FSTL4: variants seen among roughly 807,000 people sequenced by gnomAD.
The protein encoded by FSTL4 is follistatin-related protein 4.
A neutral mutation model predicts 78.2 loss-of-function variants in FSTL4; 28 were observed. That is an observed-to-expected ratio of 0.36 (90% CI 0.27 to 0.49). FSTL4 has a LOEUF of 0.49. FSTL4 is among the 20% of genes least tolerant of loss of function. The pLI, the probability that FSTL4 is intolerant of heterozygous loss-of-function variation, is 0.98. For missense variants in FSTL4, 922 were observed against 1,084.9 expected (o/e 0.85, Z 2.11); for synonymous variants, 422 against 440.5 (o/e 0.96, Z 0.53).
the FSTL4 span, among the ~76,000 whole-genome samples, chr5:133,674,074 C>A: frequency 1.3e-5 from 2 of 152,168 alleles, no homozygotes; most frequent in Non-Finnish European, 2.9e-5. Flanking sequence ...GAGGCCCCCA[C>A]CATAGCAAAG....
At chr5:133,259,576 G>A (rs889266615) in intron 6 of FSTL4, among the ~76,000 whole-genome samples, 1 of 148,266 alleles carries the variant, frequency 6.7e-6, no homozygotes, top group South Asian at 2.1e-4. Flanking sequence ...TGGAGTGCGC[G>A]GCACGATCTT....
intron 1 of FSTL4, among the ~76,000 whole-genome samples, chr5:133,606,270 G>A (rs1443210490): frequency 2.6e-5 from 4 of 152,032 alleles, no homozygotes; most frequent in Non-Finnish European, 4.4e-5. Flanking sequence ...ACAGGCATGC[G>A]CCACCATGCC....
intron 4 of FSTL4, among the ~76,000 whole-genome samples, chr5:133,320,102 A>G (rs1187862231): frequency 6.6e-6 from 1 of 152,032 alleles, no homozygotes; most frequent in East Asian, 1.9e-4. Flanking sequence ...TTGTCATCCG[A>G]ATTCCACAGG....
intron 4 of FSTL4, among the ~76,000 whole-genome samples, chr5:133,396,117 CT>C (rs1486039422): frequency 6.6e-6 from 1 of 152,194 alleles, no homozygotes; most frequent in African/African-American, 2.4e-5. Context: ...CCCACCACCC[CT>C]GACCTCTTAG....
intron 3 of FSTL4, among the ~76,000 whole-genome samples, chr5:133,419,545 T>C (rs1756649651): frequency 6.6e-6 from 1 of 152,286 alleles, no homozygotes; most frequent in South Asian, 2.1e-4. Flanking sequence ...AAGGCTGCTA[T>C]GAACATCTAT....
At chr5:133,360,436 C>G (rs2126934005) in intron 4 of FSTL4, among the ~76,000 whole-genome samples, 1 of 151,200 alleles carries the variant, frequency 6.6e-6, no homozygotes, top group Admixed American at 6.6e-5. Context: ...ACATAAACAT[C>G]ACTATAGTGT....
intron 3 of FSTL4, among the ~76,000 whole-genome samples, chr5:133,404,769 A>G (rs1163017110): frequency 1.3e-5 from 2 of 152,174 alleles, no homozygotes; most frequent in Non-Finnish European, 2.9e-5. Context: ...TGGGCCCCAG[A>G]GAGAGTGAGT....
intron 4 of FSTL4, among the ~76,000 whole-genome samples, chr5:133,389,625 A>C (rs1320408874): frequency 6.6e-6 from 1 of 152,104 alleles, no homozygotes; most frequent in East Asian, 1.9e-4. Flanking sequence ...TTTCCTGTCC[A>C]TCACCCACCT....
chr5:133,804,302 A>T, the FSTL4 span, among the ~76,000 whole-genome samples: 1 of 152,238 alleles, frequency 6.6e-6, no homozygotes, highest in Non-Finnish European at 1.5e-5. Flanking sequence ...GCCTGGCCAC[A>T]TTGTCCTCAG....
the FSTL4 span, among the ~76,000 whole-genome samples, chr5:133,653,474 C>T: frequency 6.6e-6 from 1 of 152,172 alleles, no homozygotes; most frequent in African/African-American, 2.4e-5. Flanking sequence ...TGCATCCCTC[C>T]CTGCTCCAAC....
the FSTL4 span, among the ~76,000 whole-genome samples, chr5:133,798,978 GAGGGAGGGAGGA>G: frequency 3.0e-5 from 4 of 132,412 alleles, no homozygotes; most frequent in Admixed American, 7.6e-5. Context: ...GGAAGGGAGG[GAGGGAGGGAGGA>G]AGGGAGGGAG....
the FSTL4 span, among the ~76,000 whole-genome samples, chr5:133,625,698 T>A: frequency 8.4e-6 from 1 of 118,530 alleles, no homozygotes; most frequent in African/African-American, 3.3e-5. Flanking sequence ...TCTTGAGGTG[T>A]GAGCTAAGAT....
chr5:133,582,064 G>T (rs1411142931), intron 2 of FSTL4, among the ~76,000 whole-genome samples: 1 of 152,228 alleles, frequency 6.6e-6, no homozygotes, highest in Non-Finnish European at 1.5e-5. Context: ...AAACAGTGGT[G>T]CCAGTTTCTC....
intron 3 of FSTL4, among the ~76,000 whole-genome samples, chr5:133,470,746 A>AAAAAT (rs61460224): frequency 0.064 from 8,164 of 126,858 alleles, 505 homozygotes; most frequent in African/African-American, 0.16. Context: ...ACTCTGCCTC[A>AAAAAT]AAAATAAAAT....
chr5:133,249,690 A>G lies in FSTL4; in HGVS notation c.728-114T>C, dbSNP rs1752158326. 1.5e-5 allele frequency: 11 copies of G among 723,942 alleles called. No homozygotes were observed. In the South Asian group the frequency reaches 2.0e-4, roughly 13 times the overall value. 44.8% of individuals were successfully genotyped at this position (723,942 alleles called of 1,614,324 possible). On this transcript the variant is annotated intron_variant, in intron 6 of 15. Coordinates refer to ENST00000265342, the MANE Select transcript of FSTL4 (RefSeq NM_015082.2). ...GGAAGAGGCCCAGAAGGGCTTCACGACTCCCTGAAAATTGTTTACAATGTG... is the reference window on the plus strand; with the variant it reads ...GGAAGAGGCCCAGAAGGGCTTCACGGCTCCCTGAAAATTGTTTACAATGTG...
chr5:133,259,386 T>C (rs370222734), intron 6 of FSTL4, among the ~76,000 whole-genome samples: 48 of 152,104 alleles, frequency 3.2e-4, no homozygotes, highest in African/African-American at 1.1e-3. Flanking sequence ...CTGAAGCACA[T>C]GGCACAAGGC....
intron 3 of FSTL4, among the ~76,000 whole-genome samples, chr5:133,517,447 A>AAATATATATATATAT (rs1554068019): frequency 3.0e-4 from 5 of 16,396 alleles, no homozygotes; most frequent in African/African-American, 1.4e-3. Flanking sequence ...AAAAAAAAAA[A>AAATATATATATATAT]ATATATATAT....
the FSTL4 span, among the ~76,000 whole-genome samples, chr5:133,791,716 G>A: frequency 6.6e-6 from 1 of 152,194 alleles, no homozygotes; most frequent in African/African-American, 2.4e-5. Flanking sequence ...CTGCAGCCTT[G>A]TCCATTCCTA....
chr5:133,660,887 G>A, the FSTL4 span, among the ~76,000 whole-genome samples: 1 of 152,198 alleles, frequency 6.6e-6, no homozygotes, highest in African/African-American at 2.4e-5. Context: ...TGACATCCAC[G>A]CTGGTTTTAA....
Sources: gnomAD v4.1 joint callset for allele counts (sites outside exome capture counted in the v4.1 genomes callset) on GRCh38, gnomAD v4.1.1 for gene constraint, MANE v1.5 for transcripts, NCBI Gene and HGNC (gene_info 2026-07-23, HGNC 2026-07-21) for gene names.